PAPPA: variants seen among roughly 807,000 people sequenced by gnomAD.
PAPPA encodes pappalysin-1.
A neutral mutation model predicts 164.0 loss-of-function variants in PAPPA; 60 were observed. That is an observed-to-expected ratio of 0.37 (90% CI 0.30 to 0.45). PAPPA has a LOEUF of 0.45. Ranked by LOEUF, PAPPA falls within the 20% of genes least tolerant of loss-of-function variation. The pLI is 1.00. For synonymous variants in PAPPA, 875 were observed against 814.1 expected (o/e 1.07, Z -1.27); for missense variants, 1,782 against 2,087.3 (o/e 0.85, Z 2.85).
chr9:116,370,040 C>G (rs953706820), intron 19 of PAPPA, among the ~76,000 whole-genome samples: 2 of 152,302 alleles, frequency 1.3e-5, no homozygotes. Flanking sequence ...CTGGTGCCAG[C>G]ATTTCCAGGC....
Position 116,309,084 on chromosome 9 carries a change from C to CT in PAPPA, c.3147+6145dup, listed in dbSNP as rs1161296796. Among the ~76,000 whole-genome samples the CT allele has an allele frequency of 6.8e-3, 982 of 144,652 alleles. 8 individuals carry two copies. Among genetic ancestry groups the CT allele is most frequent in the African/African-American group, 0.022 (856 of 39,704 alleles). The allele number at this position is 144,652 out of a possible 152,430, so 94.9% of individuals were successfully genotyped here. ...ATGTGCATATTTTCTTTCTTTTTTT[C>CT]TTTTTTTTTTTGGCAAAGTCTCACT... On this transcript the variant is annotated intron_variant, in intron 10 of 21. Transcript: ENST00000328252.
chr9:116,332,290 G>A, intron 11 of PAPPA, 43 bp from the exon 12 acceptor site: 1 of 1,582,936 alleles, frequency 6.3e-7, no homozygotes, highest in Non-Finnish European at 8.6e-7. Flanking sequence ...CCCACCACAT[G>A]ACTGAGTGCA....
chr9:116,188,242 C>A (rs1028471634), intron 2 of PAPPA, 26 bp downstream of exon 2: 5 of 1,543,216 alleles, frequency 3.2e-6, no homozygotes, highest in Non-Finnish European at 4.4e-6. Flanking sequence ...GCTAAAGATG[C>A]CCAGTTGAAA....
At chr9:116,389,147 T>C (rs918284714) in intron 21 of PAPPA, among the ~76,000 whole-genome samples, 41 of 148,194 alleles carry the variant, frequency 2.8e-4, no homozygotes, top group Middle Eastern at 3.4e-3. Context: ...TTTTTTTTTT[T>C]TGGAAACAGA....
intron 1 of PAPPA, among the ~76,000 whole-genome samples, chr9:116,182,927 C>G (rs1286393296): frequency 6.6e-6 from 1 of 152,144 alleles, no homozygotes; most frequent in African/African-American, 2.4e-5. Context: ...TTTAAAAGGG[C>G]TCTTGCACGC....
intron 10 of PAPPA, among the ~76,000 whole-genome samples, chr9:116,304,711 C>G (rs1335105390): frequency 2.0e-5 from 3 of 152,156 alleles, no homozygotes; most frequent in East Asian, 3.9e-4. Context: ...TGGTGATTAT[C>G]TCTTCCTAAA....
At chr9:116,346,014 C>T (rs1415651913) in intron 14 of PAPPA, among the ~76,000 whole-genome samples, 2 of 152,190 alleles carry the variant, frequency 1.3e-5, no homozygotes, top group Non-Finnish European at 2.9e-5. Flanking sequence ...TTCTTAGACA[C>T]CTACTTCCGT....
chr9:116,200,884 T>C (rs1587949105), intron 2 of PAPPA, among the ~76,000 whole-genome samples: 1 of 152,002 alleles, frequency 6.6e-6, no homozygotes, highest in East Asian at 1.9e-4. Context: ...AAAATGGAGG[T>C]AAGGAAAGAA....
intron 8 of PAPPA, among the ~76,000 whole-genome samples, chr9:116,270,773 C>T (rs1174626229): frequency 6.9e-6 from 1 of 144,184 alleles, no homozygotes; most frequent in Admixed American, 6.9e-5. Flanking sequence ...GTTCTTGACA[C>T]CAACAAATGA....
intron 3 of PAPPA, among the ~76,000 whole-genome samples, chr9:116,208,501 T>C (rs1178097824): frequency 6.6e-6 from 1 of 152,148 alleles, no homozygotes; most frequent in Non-Finnish European, 1.5e-5. Flanking sequence ...AATAGCCACA[T>C]AATATTCCCT....
Position 116,154,324 on chromosome 9 carries a change from C to T in PAPPA, c.152C>T (p.Ala51Val), listed in dbSNP as rs1222897827. Residue 51 changes from alanine (A) to valine (V), a missense_variant, in exon 1 of 22, where the codon GCG (alanine) becomes GTG (valine). Physicochemically the swap from Ala to Val is moderately conservative, Grantham distance 64. Around this residue, in one of 2 missense-constraint regions of PAPPA, gnomAD observed 458 missense variants for 430.3 expected, o/e 1.06. Transcript: ENST00000328252. The surrounding 1 kb of genome is among the most constrained non-coding windows in gnomAD (Gnocchi z 5.2). ...AAGPATCATR[A>V]ARGRRASPPP... is the part of the protein sequence containing the mutation. Reference sequence around the variant, plus strand: ...GGCCCGGCCACCTGCGCCACCCGGGCGGCCCGCGGCCGCCGCGCCTCGCCG... The same window carrying T: ...GGCCCGGCCACCTGCGCCACCCGGGTGGCCCGCGGCCGCCGCGCCTCGCCG... 6.3e-5 allele frequency: 54 copies of T among 861,884 alleles called. 1 individual carries two copies. The highest frequency in any genetic ancestry group is 7.2e-5 in the Non-Finnish European group (52 of 721,182). The allele number at this position is 861,884 out of a possible 1,614,324, so 53.4% of individuals were successfully genotyped here.
intron 5 of PAPPA, among the ~76,000 whole-genome samples, chr9:116,224,206 T>A (rs754058733): frequency 2.6e-5 from 4 of 152,238 alleles, no homozygotes; most frequent in Non-Finnish European, 5.9e-5. Flanking sequence ...TCCTCACACA[T>A]GGGCAACTGA....
chr9:116,208,388 G>A (rs545940911), intron 3 of PAPPA, among the ~76,000 whole-genome samples: 11 of 151,276 alleles, frequency 7.3e-5, no homozygotes, highest in African/African-American at 1.2e-4. Context: ...TTTCCATGTC[G>A]CAGAAGTCTT....
At chr9:116,218,018 G>A (rs418382) in intron 4 of PAPPA, among the ~76,000 whole-genome samples, 69,645 of 151,986 alleles carry the variant, frequency 0.46, 16,389 homozygotes, top group East Asian at 0.63. Context: ...GGCCCTTTTC[G>A]GTCTGAGGAC....
chr9:116,201,463 A>T (rs952492404), intron 2 of PAPPA, among the ~76,000 whole-genome samples: 7 of 152,206 alleles, frequency 4.6e-5, no homozygotes, highest in Non-Finnish European at 1.0e-4. Context: ...GAAGGTAAAC[A>T]CATTAATCCA....
At chr9:116,328,436 A>G (rs778318663) in intron 10 of PAPPA, among the ~76,000 whole-genome samples, 14 of 152,160 alleles carry the variant, frequency 9.2e-5, no homozygotes, top group Non-Finnish European at 1.8e-4. Flanking sequence ...GCTTCTAGAG[A>G]TTTGAATAAC....
chr9:116,357,232 C>T (rs1463083945), intron 17 of PAPPA, among the ~76,000 whole-genome samples: 2 of 152,224 alleles, frequency 1.3e-5, no homozygotes, highest in East Asian at 3.8e-4. Context: ...AAATGAGCAA[C>T]AAAATGTTAA....
At chr9:116,330,834 A>G (rs1276761816) in intron 10 of PAPPA, among the ~76,000 whole-genome samples, 1 of 152,122 alleles carries the variant, frequency 6.6e-6, no homozygotes, top group Non-Finnish European at 1.5e-5. Flanking sequence ...CTCAGTAGTA[A>G]CCATTTGATC....
intron 15 of PAPPA, among the ~76,000 whole-genome samples, chr9:116,348,494 T>TA (rs886741212): frequency 9.9e-5 from 15 of 151,992 alleles, no homozygotes; most frequent in South Asian, 6.3e-4. Context: ...ACAGTTTTTT[T>TA]AAAAAAAACT....
Sources: allele counts gnomAD v4.1 joint callset (sites outside exome capture counted in the v4.1 genomes callset), GRCh38; gene constraint gnomAD v4.1.1; regional missense constraint gnomAD v4.1.1; non-coding constraint Gnocchi (gnomAD v3.1); transcripts MANE v1.5; gene names NCBI Gene and HGNC (gene_info 2026-07-23, HGNC 2026-07-21).